PARP8: variants seen among roughly 807,000 people sequenced by gnomAD.
The protein encoded by PARP8 is protein mono-ADP-ribosyltransferase PARP8.
Under a neutral mutation model 124.1 loss-of-function variants are expected in PARP8, and 51 were observed. The ratio of observed to expected loss-of-function variants is 0.41; its 90% CI spans 0.33 to 0.52. The LOEUF is 0.52. Among genes scored for constraint, PARP8 ranks in the 20% least tolerant of loss-of-function variants. PARP8 has a pLI of 0.21. For synonymous variants in PARP8, 391 were observed against 361.5 expected, an observed-to-expected ratio of 1.08 and a Z score of -0.93; for missense variants, 860 against 1,018.9, an observed-to-expected ratio of 0.84 and a Z score of 2.12.
Position 50,825,038 on chromosome 5 carries a change from A to G in PARP8, c.1928+63A>G, listed in dbSNP as rs115084935. The G allele has an allele frequency of 1.9e-3, 2,609 of 1,350,584 alleles. 45 individuals carry two copies. In the African/African-American group the frequency reaches 0.033, roughly 17 times the overall value. The allele number at this position is 1,350,584 out of a possible 1,614,324, so 83.7% of individuals were successfully genotyped here. On this transcript the variant is annotated intron_variant, in intron 18 of 25. Transcript: ENST00000281631. Reference sequence around the variant, plus strand: ...TCCTTTTCTACTGCTTGATTTAAGGAAAAAAACCAAACAAACAAAAGTAAA... The same window carrying G: ...TCCTTTTCTACTGCTTGATTTAAGGGAAAAAACCAAACAAACAAAAGTAAA...
chr5:50,807,055 G>C (rs951444220), intron 14 of PARP8, among the ~76,000 whole-genome samples: 1 of 150,980 alleles, frequency 6.6e-6, no homozygotes, highest in South Asian at 2.1e-4. Context: ...GTTAGATCTC[G>C]CTTTCCAAAG....
intron 2 of PARP8, among the ~76,000 whole-genome samples, chr5:50,686,214 G>A (rs1751843069): frequency 6.6e-6 from 1 of 152,202 alleles, no homozygotes; most frequent in African/African-American, 2.4e-5. Flanking sequence ...CATTCCAAAT[G>A]GGAGACATTG....
intron 15 of PARP8, among the ~76,000 whole-genome samples, chr5:50,820,976 G>A (rs144892849): frequency 2.6e-5 from 4 of 152,292 alleles, no homozygotes; most frequent in Non-Finnish European, 5.9e-5. Flanking sequence ...CATATAATGT[G>A]TGCCTTTGAA....
chr5:50,671,922 A>G (rs1750068719), intron 2 of PARP8, among the ~76,000 whole-genome samples: 1 of 152,210 alleles, frequency 6.6e-6, no homozygotes, highest in African/African-American at 2.4e-5. Context: ...TTGTGTGGTC[A>G]TGGATATATT....
At chr5:50,797,478 A>G (rs528735797) in intron 14 of PARP8, among the ~76,000 whole-genome samples, 2 of 152,286 alleles carry the variant, frequency 1.3e-5, no homozygotes, top group Non-Finnish European at 2.9e-5. Flanking sequence ...ACAGCTATTT[A>G]TCCATCTACA....
chr5:50,828,178 C>A, intron 20 of PARP8, 122 bp downstream of exon 20: 2 of 1,105,428 alleles, frequency 1.8e-6, no homozygotes, highest in South Asian at 2.7e-5. Context: ...AACAGATGGT[C>A]ATGTAGTCAA....
chr5:50,690,340 C>T (rs909081258), intron 2 of PARP8, among the ~76,000 whole-genome samples: 2 of 152,132 alleles, frequency 1.3e-5, no homozygotes, highest in Non-Finnish European at 1.5e-5. Context: ...ATTGGAAAAG[C>T]CACTGTGAAG....
At position 50,730,534 on chromosome 5, in the gene PARP8, C is replaced by G. The variant is rs367903153; in HGVS notation, c.147-19617C>G. On this transcript the variant is annotated intron_variant, in intron 2 of 25. Transcript: ENST00000281631. Reference sequence around the variant, plus strand: ...AACCGCCTCCATGATTAAATTACCTCCCACCGGGTCCCTCCTATGACACGT... The same window carrying G: ...AACCGCCTCCATGATTAAATTACCTGCCACCGGGTCCCTCCTATGACACGT... Among the ~76,000 whole-genome samples, 4 of 152,258 alleles carry G rather than the reference C, an allele frequency of 2.6e-5. No homozygotes were observed. In the East Asian group the frequency reaches 5.8e-4, roughly 22 times the overall value.
At chr5:50,763,818 G>C (rs1760794492) in intron 7 of PARP8, among the ~76,000 whole-genome samples, 1 of 151,982 alleles carries the variant, frequency 6.6e-6, no homozygotes, top group South Asian at 2.1e-4. Context: ...AGCTTTTTCT[G>C]CCACCATAAT....
chr5:50,834,239 G>T (rs1392981923), intron 24 of PARP8, among the ~76,000 whole-genome samples, 191 bp downstream of exon 24: 1 of 152,148 alleles, frequency 6.6e-6, no homozygotes, highest in East Asian at 1.9e-4. Context: ...TGCAGAATTG[G>T]CAAGAATTCA....
intron 2 of PARP8, among the ~76,000 whole-genome samples, chr5:50,687,544 A>G (rs1752005651): frequency 6.6e-6 from 1 of 152,094 alleles, no homozygotes. Context: ...ACTGGTGCCA[A>G]TTTACTGTAG....
chr5:50,838,772 C>A (rs1453868512), intron 25 of PARP8, among the ~76,000 whole-genome samples: 1 of 151,190 alleles, frequency 6.6e-6, no homozygotes, highest in African/African-American at 2.4e-5. Context: ...CAAGCTGTTT[C>A]TTTAAAACAA....
At chr5:50,680,898 T>C (rs1751216394) in intron 2 of PARP8, among the ~76,000 whole-genome samples, 1 of 152,138 alleles carries the variant, frequency 6.6e-6, no homozygotes, top group Non-Finnish European at 1.5e-5. Context: ...TGCACTGTTA[T>C]TAAAACAAAC....
rs751066556 is a variant in PARP8, at chr5:50,794,996, C to T, written c.1007C>T (p.Ser336Leu). The change falls in exon 12 of 26, where the codon TCA becomes TTA. Residue 336 changes from serine to leucine, a missense_variant. By Grantham distance (145) the Ser-to-Leu change is moderately radical. This residue lies in a region of PARP8 where 517 missense variants were observed against 544.2 expected (regional missense o/e 0.95). Transcript: ENST00000281631. ...ACTGATGATGTGTGTGTCACAAAGT[C>T]ACACAGGACCTTTGGCCGCTCCTTG... ...VKTDDVCVTK[S>L]HRTFGRSLSS... The T allele has an allele frequency of 6.2e-7, 1 of 1,614,218 alleles. No individual in the cohort carries two copies. The highest frequency in any genetic ancestry group is 1.1e-5 in the South Asian group (1 of 91,078).
chr5:50,712,490 A>G (rs554079572), intron 2 of PARP8, among the ~76,000 whole-genome samples: 14 of 152,150 alleles, frequency 9.2e-5, no homozygotes, highest in Non-Finnish European at 1.8e-4. Context: ...TTATTATAAG[A>G]AATGTACAAA....
At chr5:50,808,516 G>C (rs535326391) in intron 14 of PARP8, among the ~76,000 whole-genome samples, 3 of 151,950 alleles carry the variant, frequency 2.0e-5, no homozygotes, top group Non-Finnish European at 4.4e-5. Flanking sequence ...GTTTACAGTG[G>C]GTATGTCTCC....
rs73752757 is a variant in PARP8, at chr5:50,688,196, C to T, written c.146+20071C>T. ...GATATTGGTACAATAACCACAAAGC[C>T]GACCAGAGAGAGTTTTTCTATTTCC... is the stretch of plus-strand genomic sequence containing the variant. On this transcript the variant is annotated intron_variant, in intron 2 of 25. Transcript: ENST00000281631. Among the ~76,000 whole-genome samples, 375 of 152,210 alleles carry T rather than the reference C, an allele frequency of 2.5e-3. 1 individual carries two copies. The highest frequency in any genetic ancestry group is 8.2e-3 in the African/African-American group (342 of 41,526).
At chr5:50,811,301 G>A (rs779573003) in intron 14 of PARP8, among the ~76,000 whole-genome samples, 2 of 151,768 alleles carry the variant, frequency 1.3e-5, no homozygotes, top group African/African-American at 4.8e-5. Context: ...GGGTTGGGGG[G>A]CACTGAAACA....
At chr5:50,753,158 A>C (rs1186089537) in intron 3 of PARP8, among the ~76,000 whole-genome samples, 1 of 152,020 alleles carries the variant, frequency 6.6e-6, no homozygotes, top group Non-Finnish European at 1.5e-5. Context: ...AATGAATTAC[A>C]CAATAGTTGT....
Sources: gnomAD v4.1 joint callset for allele counts (sites outside exome capture counted in the v4.1 genomes callset) on GRCh38, gnomAD v4.1.1 for gene constraint, gnomAD v4.1.1 regional missense constraint, MANE v1.5 for transcripts, NCBI Gene and HGNC (gene_info 2026-07-23, HGNC 2026-07-21) for gene names.